NTNG1: variants seen among roughly 807,000 people sequenced by gnomAD.
NTNG1 encodes netrin G1.
In NTNG1, 16 loss-of-function variants were observed where a neutral mutation model predicts 54.0. The observed-to-expected ratio is 0.30, with a 90% CI of 0.20 to 0.45. The LOEUF (loss-of-function observed/expected upper bound fraction) is 0.45, where lower values mean the gene tolerates loss of function less well. Ranked by LOEUF, NTNG1 falls within the 20% of genes least tolerant of loss-of-function variation. NTNG1 has a pLI of 1.00. For synonymous variants in NTNG1, 255 were observed against 263.1 expected (o/e 0.97, Z 0.30); for missense variants, 530 against 678.7 (o/e 0.78, Z 2.43).
chr1:107,480,856 A>G lies in NTNG1; in HGVS notation c.*16A>G. 6.5e-7 allele frequency: 1 copy of G among 1,541,822 alleles called. No homozygotes were observed. The highest frequency in any genetic ancestry group is 2.0e-5 in the Admixed American group (1 of 51,122). On this transcript the variant is annotated 3_prime_UTR_variant, in exon 8 of 8. Transcript: ENST00000370068. ...GGTGTTCTAGGTGTCACCTCCAGCC[A>G]CACCGGACGGGCCTGTGCCGTGGGG... is the stretch of plus-strand genomic sequence containing the variant.
chr1:107,323,358 A>G (rs1667762900), intron 2 of NTNG1, among the ~76,000 whole-genome samples: 1 of 152,170 alleles, frequency 6.6e-6, no homozygotes, highest in Non-Finnish European at 1.5e-5. Flanking sequence ...TTAGTGTAGC[A>G]TAAGCAGTGT....
chr1:107,150,544 A>G (rs991852466), intron 2 of NTNG1, among the ~76,000 whole-genome samples: 3 of 152,188 alleles, frequency 2.0e-5, no homozygotes, highest in African/African-American at 7.2e-5. Context: ...TTGTAACAAC[A>G]TGTCCCTTCT....
chr1:107,410,213 A>G (rs1308790498), intron 5 of NTNG1: 1 of 152,150 alleles, frequency 6.6e-6, no homozygotes, highest in African/African-American at 2.4e-5. Context: ...AATGATGTAT[A>G]TTATCGATGT....
At chr1:107,429,790 A>T (rs898319742) in intron 5 of NTNG1, among the ~76,000 whole-genome samples, 1 of 152,126 alleles carries the variant, frequency 6.6e-6, no homozygotes, top group Admixed American at 6.6e-5. Context: ...AGACTTTGTC[A>T]TTATCATTTA....
chr1:107,334,414 A>T (rs1041085604), intron 3 of NTNG1, among the ~76,000 whole-genome samples: 2 of 151,792 alleles, frequency 1.3e-5, no homozygotes, highest in African/African-American at 4.8e-5. Flanking sequence ...ATGTGTAATT[A>T]TAGATACTCC....
At chr1:107,165,726 T>G (rs1027424427) in intron 2 of NTNG1, among the ~76,000 whole-genome samples, 1 of 152,222 alleles carries the variant, frequency 6.6e-6, no homozygotes, top group Non-Finnish European at 1.5e-5. Context: ...ACTTTCACTC[T>G]TTCATTTTAA....
chr1:107,328,314 C>G (rs541469731), intron 3 of NTNG1, among the ~76,000 whole-genome samples: 1 of 152,204 alleles, frequency 6.6e-6, no homozygotes, highest in Non-Finnish European at 1.5e-5. Flanking sequence ...GAGCGGCTCT[C>G]TTAGTCTTGA....
intron 1 of NTNG1, chr1:107,143,512 AG>A (rs1322576685): frequency 1.4e-5 from 2 of 144,702 alleles, no homozygotes; most frequent in Non-Finnish European, 3.1e-5. Flanking sequence ...AAAGGCATCA[AG>A]TCACTTGGAA....
chr1:107,197,186 C>T (rs968038723), intron 2 of NTNG1, among the ~76,000 whole-genome samples: 2 of 151,946 alleles, frequency 1.3e-5, no homozygotes. Flanking sequence ...GTATGATACC[C>T]TTAGGCTTGT....
intron 2 of NTNG1, among the ~76,000 whole-genome samples, chr1:107,210,041 G>A (rs529032524): frequency 6.6e-6 from 1 of 152,140 alleles, no homozygotes; most frequent in East Asian, 1.9e-4. Flanking sequence ...AGAAGGAGAG[G>A]AGCATCACAG....
intron 2 of NTNG1, among the ~76,000 whole-genome samples, chr1:107,292,238 G>A (rs549523630): frequency 1.4e-4 from 22 of 152,250 alleles, no homozygotes; most frequent in Non-Finnish European, 2.1e-4. Context: ...ATCTGTGTGG[G>A]TCTGCGGCAA....
At chr1:107,329,408 A>C (rs1464273633) in intron 3 of NTNG1, among the ~76,000 whole-genome samples, 2 of 152,180 alleles carry the variant, frequency 1.3e-5, no homozygotes, top group Non-Finnish European at 1.5e-5. Context: ...AATTAGAACA[A>C]GGTGGAGCTG....
At chr1:107,466,712 G>T (rs1352643196) in intron 7 of NTNG1, among the ~76,000 whole-genome samples, 1 of 152,082 alleles carries the variant, frequency 6.6e-6, no homozygotes, top group Non-Finnish European at 1.5e-5. Flanking sequence ...ACCATGCATA[G>T]CCTCCCAGTT....
chr1:107,393,315 A>C (rs1230538647), intron 3 of NTNG1, among the ~76,000 whole-genome samples: 2 of 152,190 alleles, frequency 1.3e-5, no homozygotes, highest in Non-Finnish European at 2.9e-5. Context: ...GGTTTTAAAC[A>C]TCCTCCGTAT....
intron 4 of NTNG1, among the ~76,000 whole-genome samples, chr1:107,401,600 A>G (rs561840778): frequency 9.2e-5 from 14 of 152,238 alleles, no homozygotes; most frequent in Admixed American, 7.2e-4. Flanking sequence ...CCCTCACACA[A>G]GTTTCAGTAC....
At chr1:107,293,227 A>G in intron 2 of NTNG1, among the ~76,000 whole-genome samples, 1 of 152,212 alleles carries the variant, frequency 6.6e-6, no homozygotes, top group East Asian at 1.9e-4. Context: ...CTACCTAAGC[A>G]TTTTGGCCAA....
chr1:107,217,887 T>A lies in NTNG1; in HGVS notation c.246+69048T>A, dbSNP rs182502402. On this transcript the variant is annotated intron_variant, in intron 2 of 7. Coordinates refer to ENST00000370068, the MANE Select transcript of NTNG1 (RefSeq NM_001113226.3). The stretch of plus-strand genomic sequence containing the variant: ...CTATCATTTGGTCTATCTTGGACAA[T>A]GTTCCATGGCTGATAAATGGAATGT... 4.1e-4 allele frequency among the ~76,000 whole-genome samples: 62 copies of A among 152,310 alleles called. No individual in the cohort carries two copies. In the East Asian group the frequency reaches 0.011, roughly 28 times the overall value.
chr1:107,297,927 C>G (rs1162455700), intron 2 of NTNG1, among the ~76,000 whole-genome samples: 1 of 151,992 alleles, frequency 6.6e-6, no homozygotes, highest in African/African-American at 2.4e-5. Flanking sequence ...GAGCATGCTA[C>G]ATAATGAAAA....
intron 5 of NTNG1, among the ~76,000 whole-genome samples, chr1:107,424,996 GGAA>G (rs1284349471): frequency 1.3e-5 from 2 of 152,062 alleles, no homozygotes; most frequent in East Asian, 3.9e-4. Flanking sequence ...TGATGGGTAA[GGAA>G]GAAGAAGAAT....
Sources: gnomAD v4.1 joint callset for allele counts (sites outside exome capture counted in the v4.1 genomes callset) on GRCh38, gnomAD v4.1.1 for gene constraint, MANE v1.5 for transcripts, NCBI Gene and HGNC (gene_info 2026-07-23, HGNC 2026-07-21) for gene names.